The following SAMD12 variants were observed in gnomAD, a reference collection of about 807,000 sequenced individuals.
SAMD12 encodes the protein sterile alpha motif domain-containing protein 12.
Under a neutral mutation model 15.0 loss-of-function variants are expected in SAMD12, and 9 were observed. That is an observed-to-expected ratio of 0.60 (90% CI 0.36 to 1.05). The LOEUF is 1.05. SAMD12 is among the 50% of genes least tolerant of loss of function. SAMD12 has a pLI of 0.01. For missense variants in SAMD12, 230 were observed against 234.2 expected (o/e 0.98, Z 0.12); for synonymous variants, 86 against 90.1 (o/e 0.96, Z 0.25).
chr8:118,446,866 T>A (rs1323194570), intron 2 of SAMD12, among the ~76,000 whole-genome samples: 1 of 152,202 alleles, frequency 6.6e-6, no homozygotes, highest in Non-Finnish European at 1.5e-5. Flanking sequence ...TCCAAAACTA[T>A]ACCTCCAGCT....
intron 2 of SAMD12, among the ~76,000 whole-genome samples, chr8:118,447,686 TTTTA>T (rs1002966185): frequency 1.4e-5 from 2 of 145,700 alleles, no homozygotes; most frequent in Admixed American, 1.4e-4. Context: ...CATTTTATTT[TTTTA>T]TTTTTTATTT....
At chr8:118,459,411 T>G (rs534747862) in intron 2 of SAMD12, among the ~76,000 whole-genome samples, 1 of 152,314 alleles carries the variant, frequency 6.6e-6, no homozygotes, top group African/African-American at 2.4e-5. Context: ...GCAGTTCCTA[T>G]TTGCAATGCA....
chr8:118,261,918 GA>G (rs1334901853), intron 4 of SAMD12, among the ~76,000 whole-genome samples: 2 of 151,448 alleles, frequency 1.3e-5, no homozygotes, highest in Admixed American at 6.6e-5. Flanking sequence ...TCAAGATAGG[GA>G]ATCAACCTGA....
chr8:118,219,688 G>A (rs945227434), intron 4 of SAMD12, among the ~76,000 whole-genome samples: 1 of 152,142 alleles, frequency 6.6e-6, no homozygotes, highest in Non-Finnish European at 1.5e-5. Flanking sequence ...AGACCACATG[G>A]AGACATCCTG....
chr8:118,425,873 T>G (rs1313223354), intron 3 of SAMD12, among the ~76,000 whole-genome samples: 3 of 152,180 alleles, frequency 2.0e-5, no homozygotes, highest in Middle Eastern at 3.2e-3. Flanking sequence ...TGGTTATTTC[T>G]AAATGAGGTA....
chr8:118,437,815 T>A (rs1022469818), intron 3 of SAMD12, among the ~76,000 whole-genome samples: 4 of 152,194 alleles, frequency 2.6e-5, no homozygotes, highest in South Asian at 2.1e-4. Flanking sequence ...TCCATAAGCA[T>A]TGATGCATGA....
rs1818214163 is a variant in SAMD12 at position 118,356,167 on chromosome 8, T to C, written c.433+23393A>G. 2.6e-5 allele frequency among the ~76,000 whole-genome samples: 4 copies of C among 152,346 alleles called. No individual in the cohort carries two copies. In the South Asian group the frequency reaches 8.3e-4, roughly 32 times the overall value. On this transcript the variant is annotated intron_variant, in intron 4 of 4. Transcript: ENST00000409003. ...AACTCTCTGAGCTAGGTATATGTGCTCCCATTTTACTTAAAAGAAAACTTA... is the reference window on the plus strand; with the variant it reads ...AACTCTCTGAGCTAGGTATATGTGCCCCCATTTTACTTAAAAGAAAACTTA...
At chr8:118,183,944 A>G in the SAMD12 span, among the ~76,000 whole-genome samples, 2 of 152,172 alleles carry the variant, frequency 1.3e-5, no homozygotes, top group Non-Finnish European at 2.9e-5. Context: ...CAACTTCTGA[A>G]TTACTTCACT....
intron 4 of SAMD12, among the ~76,000 whole-genome samples, chr8:118,204,053 C>T (rs1819792661): frequency 1.3e-5 from 2 of 151,918 alleles, no homozygotes; most frequent in Admixed American, 1.3e-4. Context: ...AAACCTCACT[C>T]CCCTCTTCTT....
chr8:118,202,122 G>C (rs1245893288), intron 4 of SAMD12, among the ~76,000 whole-genome samples: 1 of 152,048 alleles, frequency 6.6e-6, no homozygotes, highest in African/African-American at 2.4e-5. Context: ...AGGCTGCTGT[G>C]TTGTTAAAAA....
intron 1 of SAMD12, among the ~76,000 whole-genome samples, chr8:118,601,175 G>A (rs115591621): frequency 1.8e-3 from 278 of 151,598 alleles, no homozygotes; most frequent in African/African-American, 6.5e-3. Context: ...TTTTCCAATG[G>A]GTATATATAA....
chr8:118,431,707 T>C (rs1049533790), intron 3 of SAMD12, among the ~76,000 whole-genome samples: 1 of 151,756 alleles, frequency 6.6e-6, no homozygotes, highest in African/African-American at 2.4e-5. Context: ...TGTGTGTGTG[T>C]GTGTGTGTGT....
At chr8:118,407,528 G>C (rs1002794746) in intron 3 of SAMD12, among the ~76,000 whole-genome samples, 2 of 152,194 alleles carry the variant, frequency 1.3e-5, no homozygotes, top group Admixed American at 1.3e-4. Context: ...AGAAGAAGGA[G>C]GTTAGCCCTA....
intron 4 of SAMD12, among the ~76,000 whole-genome samples, chr8:118,342,555 T>C (rs1165061928): frequency 6.6e-6 from 1 of 152,210 alleles, no homozygotes; most frequent in Admixed American, 6.5e-5. Flanking sequence ...TTTCATTTCT[T>C]GTTGAACTTG....
intron 4 of SAMD12, among the ~76,000 whole-genome samples, chr8:118,337,111 G>A (rs1817119390): frequency 6.6e-6 from 1 of 151,024 alleles, no homozygotes; most frequent in Non-Finnish European, 1.5e-5. Context: ...GCATACATAC[G>A]TAACAAACCT....
intron 3 of SAMD12, among the ~76,000 whole-genome samples, chr8:118,424,316 G>A (rs1485499926): frequency 6.6e-6 from 1 of 152,054 alleles, no homozygotes; most frequent in South Asian, 2.1e-4. Context: ...ACTTTGATGT[G>A]GAGTTCCTGC....
chr8:118,388,939 T>C (rs1231107777), intron 3 of SAMD12, among the ~76,000 whole-genome samples: 1 of 152,196 alleles, frequency 6.6e-6, no homozygotes, highest in Non-Finnish European at 1.5e-5. Context: ...GTTTCTCAAA[T>C]ACAGCCTGGC....
chr8:118,224,679 T>C (rs969473319), intron 4 of SAMD12, among the ~76,000 whole-genome samples: 2 of 152,230 alleles, frequency 1.3e-5, no homozygotes, highest in African/African-American at 2.4e-5. Context: ...TTAAATTTTA[T>C]ATGTTCCAAG....
intron 3 of SAMD12, among the ~76,000 whole-genome samples, chr8:118,396,929 T>C (rs1011454888): frequency 1.3e-5 from 2 of 151,972 alleles, no homozygotes; most frequent in African/African-American, 4.8e-5. Context: ...AGAAATGAGG[T>C]ATCTGAAGCA....
Sources: gnomAD v4.1 joint callset for allele counts (sites outside exome capture counted in the v4.1 genomes callset) on GRCh38, gnomAD v4.1.1 for gene constraint, MANE v1.5 for transcripts, NCBI Gene and HGNC (gene_info 2026-07-23, HGNC 2026-07-21) for gene names.